Variants in KCNN3 observed in about 807,000 individuals in gnomAD.
KCNN3 encodes potassium calcium-activated channel subfamily N member 3.
KCNN3 carries 16 observed loss-of-function variants against 62.9 expected under a neutral mutation model. The observed-to-expected ratio is 0.25, with a 90% confidence interval of 0.17 to 0.39. The LOEUF (loss-of-function observed/expected upper bound fraction) is 0.39. KCNN3 is among the 10% of genes least tolerant of loss of function. KCNN3 has a pLI of 1.00. For synonymous variants in KCNN3, 370 were observed against 389.2 expected (o/e 0.95, Z 0.58); for missense variants, 599 against 949.4 (o/e 0.63, Z 4.85).
intron 3 of KCNN3, among the ~76,000 whole-genome samples, chr1:154,734,307 A>C (rs1354228985): frequency 6.6e-6 from 1 of 152,118 alleles, no homozygotes; most frequent in African/African-American, 2.4e-5. Context: ...CCTCTTAACC[A>C]CTTGGAGGCC....
rs561732948 is a variant in KCNN3, at chr1:154,718,159, G to A, written c.1702-3156C>T. ...GAGTGGCTCAAGGTTGGCCACAATCGGATGGGTTTGGGGATGGTTAGGAGA... is the reference window on the plus strand; with the variant it reads ...GAGTGGCTCAAGGTTGGCCACAATCAGATGGGTTTGGGGATGGTTAGGAGA... On this transcript the variant is annotated intron_variant, in intron 5 of 7. Transcript: ENST00000271915. 2.4e-4 allele frequency among the ~76,000 whole-genome samples: 37 copies of A among 152,314 alleles called. No individual in the cohort carries two copies. The East Asian group carries it at 3.1e-3, about 13-fold the overall frequency.
rs377688678 is a variant in KCNN3 at position 154,708,085 on chromosome 1, C to T, written c.2087G>A (p.Arg696Gln). 3.1e-6 allele frequency: 5 copies of T among 1,613,746 alleles called. No individual in the cohort carries two copies. Among genetic ancestry groups the T allele is most frequent in the South Asian group, 1.1e-5 (1 of 91,056 alleles). Residue 696 changes from arginine (R) to glutamine (Q), a missense_variant, in exon 8 of 8, where the codon CGG (arginine) becomes CAG (glutamine). Arg to Gln is a conservative substitution (Grantham distance 43). Transcript: ENST00000271915. The stretch of plus-strand genomic sequence containing the variant: ...GGTGCCCACTGCCACGCTGACACCC[C>T]GGGCCTCGATGATGGCAGACAGGAG... Reference protein sequence around the residue: ...QQLLSAIIEARGVSVAVGTTH... With the variant: ...QQLLSAIIEAQGVSVAVGTTH...
chr1:154,789,042 G>A lies in KCNN3; in HGVS notation c.1030-16649C>T, dbSNP rs147671350. 8.0e-3 allele frequency among the ~76,000 whole-genome samples: 1,217 copies of A among 152,254 alleles called. 7 individuals are homozygous for A. Among genetic ancestry groups the A allele is most frequent in the Non-Finnish European group, 9.4e-3 (641 of 68,014 alleles). ...CACAGATTTATTATATTACAGCTCC[G>A]GAGGCCAGATGTGTGGAATCAGTTT... is the stretch of plus-strand genomic sequence containing the variant. On this transcript the variant is annotated intron_variant, in intron 2 of 7. Coordinates refer to ENST00000271915, the MANE Select transcript of KCNN3 (RefSeq NM_002249.6).
At position 154,725,938 on chromosome 1, in the gene KCNN3, A is replaced by G; in HGVS notation, c.1679T>C (p.Met560Thr). The G allele has an allele frequency of 6.2e-7, 1 of 1,614,088 alleles. No homozygotes were observed. The highest frequency in any genetic ancestry group is 8.5e-7 in the Non-Finnish European group (1 of 1,179,936). The change falls in exon 5 of 8, where the codon ATG (methionine) becomes ACG (threonine). Residue 560 changes from methionine to threonine, a missense_variant. Around this residue, in one of 7 missense-constraint regions of KCNN3, gnomAD observed 288 missense variants for 557.4 expected, o/e 0.52. Transcript: ENST00000271915. ...TACCCGCTTGGTGAGCTGAGTGTCC[A>G]TCATGAAGTTATGAACGTGCTTCTC... Reference protein sequence around the residue: ...KAEKHVHNFMMDTQLTKRIKN... With the variant: ...KAEKHVHNFMTDTQLTKRIKN...
intron 3 of KCNN3, among the ~76,000 whole-genome samples, chr1:154,743,722 C>T (rs1472255520): frequency 6.6e-6 from 1 of 152,226 alleles, no homozygotes; most frequent in Non-Finnish European, 1.5e-5. Context: ...GAGTACTCTA[C>T]AAGGTCCTCT....
rs1376197753 is a variant in KCNN3, at chr1:154,703,591, T to C, written c.*4385A>G. ...CAATGACTTCACAGTATCTCAGTTG[T>C]GGTACTGTGATGGGAGCAACACCGT... On this transcript the variant is annotated 3_prime_UTR_variant, in exon 8 of 8. Transcript: ENST00000271915. The C allele has an allele frequency of 6.6e-6, 1 of 152,216 alleles. No individual in the cohort carries two copies. The highest frequency in any genetic ancestry group is 1.5e-5 in the Non-Finnish European group (1 of 68,038). 9.4% of individuals were successfully genotyped at this position (152,216 alleles called of 1,614,324 possible). A position where few individuals can be genotyped will look rare whatever the true frequency, so the allele number is the denominator to read the frequency against.
rs941872074 is a variant in KCNN3 at position 154,706,644 on chromosome 1, A to T, written c.*1332T>A. 2.0e-5 allele frequency: 3 copies of T among 152,186 alleles called. No homozygotes were observed. Among genetic ancestry groups the T allele is most frequent in the African/African-American group, 7.2e-5 (3 of 41,450 alleles). 9.4% of individuals were successfully genotyped at this position (152,186 alleles called of 1,614,324 possible). On this transcript the variant is annotated 3_prime_UTR_variant, in exon 8 of 8. Transcript: ENST00000271915. ...TGACAAATCCATGTCCACTTACCTT[A>T]CCCACAAGGTTCCCTAAGGGTTCCC...
At chr1:154,823,636 G>T (rs1403860718) in intron 1 of KCNN3, among the ~76,000 whole-genome samples, 1 of 152,208 alleles carries the variant, frequency 6.6e-6, no homozygotes, top group Non-Finnish European at 1.5e-5. Context: ...AACATGGGAA[G>T]CATCCATTTA....
Position 154,869,218 on chromosome 1 carries a change from G to C in KCNN3, c.747C>G (p.Thr249=). 6.2e-7 allele frequency: 1 copy of C among 1,614,140 alleles called. No homozygotes were observed. The highest frequency in any genetic ancestry group is 8.5e-7 in the Non-Finnish European group (1 of 1,180,012). The change falls in exon 1 of 8, where the codon ACC becomes ACG. Residue 249 remains threonine (T), a synonymous_variant. Coordinates refer to ENST00000271915, the MANE Select transcript of KCNN3 (RefSeq NM_002249.6). This position sits in a 1 kb window ranked among gnomAD's most constrained non-coding sequence, Gnocchi z 6.1. ...CTTTGGGGAAGGTGGTGCTGCTGGC[G>C]GTGGTGCCGGCATGCTGGTGGTTGT... The part of the protein sequence containing the change: ...ATHNHQHAGT[T]ASSTTFPKAN...
In KCNN3 at chr1:154,705,512, G is replaced by A. The variant is rs1467761992; in HGVS notation, c.*2464C>T. On this transcript the variant is annotated 3_prime_UTR_variant, in exon 8 of 8. Coordinates refer to ENST00000271915, the MANE Select transcript of KCNN3 (RefSeq NM_002249.6). ...AGGATGCCAGTGGCTACTGCTACCA[G>A]AAATAACTCCAGTCACTCCCTTGAC... 1 of 152,122 alleles carries A rather than the reference G, an allele frequency of 6.6e-6. No homozygotes were observed. The highest frequency in any genetic ancestry group is 1.5e-5 in the Non-Finnish European group (1 of 68,028). 9.4% of individuals were successfully genotyped at this position (152,122 alleles called of 1,614,324 possible).
chr1:154,838,686 C>T (rs189474984), intron 1 of KCNN3, among the ~76,000 whole-genome samples: 20 of 152,298 alleles, frequency 1.3e-4, no homozygotes, highest in African/African-American at 7.2e-5. Flanking sequence ...GAGCTGCCTC[C>T]GCCTCTGCGC....
intron 7 of KCNN3, among the ~76,000 whole-genome samples, chr1:154,711,087 C>G (rs1700063797): frequency 6.6e-6 from 1 of 152,064 alleles, no homozygotes; most frequent in African/African-American, 2.4e-5. Flanking sequence ...AGACTTGGAA[C>G]CAACCCAAAT....
At chr1:154,818,367 G>A (rs1464801703) in intron 2 of KCNN3, among the ~76,000 whole-genome samples, 1 of 152,180 alleles carries the variant, frequency 6.6e-6, no homozygotes, top group Non-Finnish European at 1.5e-5. Context: ...AAAGACATTG[G>A]TAGGGCAGCC....
At chr1:154,745,849 G>A (rs559889063) in intron 3 of KCNN3, among the ~76,000 whole-genome samples, 1 of 152,274 alleles carries the variant, frequency 6.6e-6, no homozygotes, top group Non-Finnish European at 1.5e-5. Context: ...AAAATAATAT[G>A]CTTGGAAGAA....
chr1:154,846,882 C>A (rs918153436), intron 1 of KCNN3, among the ~76,000 whole-genome samples: 1 of 152,190 alleles, frequency 6.6e-6, no homozygotes, highest in Non-Finnish European at 1.5e-5. Flanking sequence ...CTAGACCTAT[C>A]ACTATGTTGT....
At chr1:154,860,487 T>C (rs1652728095) in intron 1 of KCNN3, among the ~76,000 whole-genome samples, 1 of 152,096 alleles carries the variant, frequency 6.6e-6, no homozygotes, top group African/African-American at 2.4e-5. Context: ...TAACTGAGTG[T>C]AGAATAACAG....
chr1:154,772,316 C>A lies in KCNN3; in HGVS notation c.1107G>T (p.Glu369Asp). ...TGGGGTGGATGGCGCACACCAGCAT[C>A]TCCAGGCTGATGTACAGGATGCGCT... ...TYERILYISLEMLVCAIHPIP... is the reference protein window; with the variant it reads ...TYERILYISLDMLVCAIHPIP... The change falls in exon 3 of 8, where the codon GAG becomes GAT. Residue 369 changes from glutamate (E) to aspartate (D), a missense_variant. Physicochemically the swap from Glu to Asp is conservative, Grantham distance 45. Coordinates refer to ENST00000271915, the MANE Select transcript of KCNN3 (RefSeq NM_002249.6). The surrounding 1 kb of genome is among the most constrained non-coding windows in gnomAD (Gnocchi z 5.6). The A allele has an allele frequency of 6.2e-7, 1 of 1,614,174 alleles. No homozygotes were observed. The highest frequency in any genetic ancestry group is 8.5e-7 in the Non-Finnish European group (1 of 1,180,012).
chr1:154,785,590 T>C (rs1404922824), intron 2 of KCNN3, among the ~76,000 whole-genome samples: 3 of 145,442 alleles, frequency 2.1e-5, no homozygotes, highest in Admixed American at 6.8e-5. Flanking sequence ...TTTTTTTTTT[T>C]TTTTTTTTTG....
intron 4 of KCNN3, among the ~76,000 whole-genome samples, chr1:154,727,818 G>C (rs915285828): frequency 1.3e-5 from 2 of 152,206 alleles, no homozygotes; most frequent in East Asian, 3.9e-4. Context: ...ATCCTAGAGG[G>C]AAGATGTGTG....
Sources: allele counts gnomAD v4.1 joint callset (sites outside exome capture counted in the v4.1 genomes callset), GRCh38; gene constraint gnomAD v4.1.1; regional missense constraint gnomAD v4.1.1; non-coding constraint Gnocchi (gnomAD v3.1); transcripts MANE v1.5; gene names NCBI Gene and HGNC (gene_info 2026-07-23, HGNC 2026-07-21).